The following SLC25A46 variants were observed in gnomAD, a reference collection of about 807,000 sequenced individuals.
SLC25A46 encodes mitochondrial outer membrane protein SLC25A46.
SLC25A46 carries 39 observed loss-of-function variants against 44.6 expected under a neutral mutation model. The observed-to-expected ratio is 0.87, with a 90% CI of 0.68 to 1.14. SLC25A46 has a LOEUF of 1.14. SLC25A46 is among the 50% of genes most tolerant of loss of function. SLC25A46 has a pLI of 0.00. For synonymous variants in SLC25A46, 202 were observed against 185.8 expected, an observed-to-expected ratio of 1.09 and a Z score of -0.71; for missense variants, 547 against 522.7, an observed-to-expected ratio of 1.05 and a Z score of -0.45.
intron 5 of SLC25A46, chr5:110,754,164 T>G (rs2150414649): frequency 6.6e-6 from 1 of 152,046 alleles, no homozygotes; most frequent in East Asian, 1.9e-4. Flanking sequence ...TGTATGTATA[T>G]GCTGTTGTTT....
chr5:110,742,065 C>T lies in SLC25A46; in HGVS notation c.302C>T (p.Ala101Val). 5 of 1,574,800 alleles carry T rather than the reference C, an allele frequency of 3.2e-6. No individual in the cohort carries two copies. The highest frequency in any genetic ancestry group is 4.3e-6 in the Non-Finnish European group (5 of 1,159,190). ...ACTTTAGAACAGCTGAATAGATTTG[C>T]TGGATTTGGTATTGGACTTGCAAGG... ...GQSSEQLNRF[A>V]GFGIGLASLF... The change falls in exon 2 of 8, where the codon GCT becomes GTT. Residue 101 changes from alanine to valine, a missense_variant. Ala to Val is a moderately conservative substitution (Grantham distance 64). Coordinates refer to ENST00000355943, the MANE Select transcript of SLC25A46 (RefSeq NM_138773.4).
At chr5:110,756,834 T>C (rs1800129428) in intron 7 of SLC25A46, 75 bp downstream of exon 7, 5 of 991,526 alleles carry the variant, frequency 5.0e-6, no homozygotes, top group Non-Finnish European at 7.0e-6. Context: ...TGTAGATATC[T>C]AACATTTCAG....
intron 5 of SLC25A46, among the ~76,000 whole-genome samples, chr5:110,749,529 G>A (rs1291275602): frequency 1.4e-5 from 2 of 146,710 alleles, no homozygotes; most frequent in East Asian, 2.2e-4. Context: ...GGGTAGTTGG[G>A]GGAGATAATG....
At chr5:110,753,039 T>G (rs75811300) in intron 5 of SLC25A46, among the ~76,000 whole-genome samples, 1,630 of 151,778 alleles carry the variant, frequency 0.011, 22 homozygotes, top group African/African-American at 0.037. Context: ...GGGCAAAGAG[T>G]GCTTCAAGGA....
At position 110,739,261 on chromosome 5, in the gene SLC25A46, G is replaced by C; in HGVS notation, c.142G>C (p.Asp48His). 6.3e-7 allele frequency: 1 copy of C among 1,583,104 alleles called. No homozygotes were observed. The highest frequency in any genetic ancestry group is 1.2e-5 in the South Asian group (1 of 86,692). ...DLGHWVTTPP[D>H]IPGSRNLHWG... is the part of the protein sequence containing the mutation. Reference sequence around the variant, plus strand: ...GGGCCACTGGGTGACGACTCCCCCAGATATCCCCGGCAGCCGCAACCTGCA... The same window carrying C: ...GGGCCACTGGGTGACGACTCCCCCACATATCCCCGGCAGCCGCAACCTGCA... The change falls in exon 1 of 8, where the codon GAT (aspartate) becomes CAT (histidine). Residue 48 changes from aspartate (D) to histidine (H), a missense_variant. By Grantham distance (81) the Asp-to-His change is moderately conservative. Transcript: ENST00000355943.
At chr5:110,743,694 T>C (rs768998451) in intron 2 of SLC25A46, 36 bp from the exon 3 acceptor site, 4 of 1,266,572 alleles carry the variant, frequency 3.2e-6, no homozygotes, top group South Asian at 1.4e-5. Flanking sequence ...TTTATCTCTA[T>C]GTAGACATAC....
Position 110,748,029 on chromosome 5 carries a change from G to T in SLC25A46, c.463-134G>T, listed in dbSNP as rs1478999584. ...ACTTTAAAATGATATAAAATTAATT[G>T]TAGTTCTCTACTAATATTTCTATTA... On this transcript the variant is annotated intron_variant, in intron 4 of 7. Transcript: ENST00000355943. 6 of 589,750 alleles carry T rather than the reference G, an allele frequency of 1.0e-5. No homozygotes were observed. In the East Asian group the frequency reaches 1.1e-4, roughly 11 times the overall value. 36.5% of individuals were successfully genotyped at this position (589,750 alleles called of 1,614,324 possible).
chr5:110,739,266 C>T lies in SLC25A46; in HGVS notation c.147C>T (p.Ile49=), dbSNP rs145421520. ...ACTGGGTGACGACTCCCCCAGATAT[C>T]CCCGGCAGCCGCAACCTGCACTGGG... ...LGHWVTTPPD[I]PGSRNLHWGE... The change falls in exon 1 of 8, where the codon ATC becomes ATT. Residue 49 remains isoleucine (I), a synonymous_variant. Coordinates refer to ENST00000355943, the MANE Select transcript of SLC25A46 (RefSeq NM_138773.4). The T allele has an allele frequency of 0.019, 29,256 of 1,580,486 alleles. 330 individuals are homozygous for T. The highest frequency in any genetic ancestry group is 0.027 in the African/African-American group (2,016 of 74,606).
chr5:110,757,234 G>C (rs1461920005), intron 7 of SLC25A46, among the ~76,000 whole-genome samples: 24 of 151,984 alleles, frequency 1.6e-4, no homozygotes, highest in Admixed American at 1.4e-3. Context: ...GATACTATTG[G>C]GTGTGGTAAA....
rs2150404430 is a variant in SLC25A46 at position 110,739,299 on chromosome 5, GAGC to G, written c.181_183del (p.Ser61del). 1 of 1,573,198 alleles carries G rather than the reference GAGC, an allele frequency of 6.4e-7. No individual in the cohort carries two copies. Among genetic ancestry groups the G allele is most frequent in the East Asian group, 2.3e-5 (1 of 42,998 alleles). On this transcript the variant is annotated inframe_deletion, in exon 1 of 8. Coordinates refer to ENST00000355943, the MANE Select transcript of SLC25A46 (RefSeq NM_138773.4). ...GCCGCAACCTGCACTGGGGCGAGAA[GAGC>G]CCGCCCTACGGCGTGCCCACCACCT...
At position 110,762,166 on chromosome 5, in the gene SLC25A46, T is replaced by C. The variant is rs929178920; in HGVS notation, c.*384T>C. The C allele has an allele frequency of 5.0e-6, 1 of 201,066 alleles. No individual in the cohort carries two copies. Among genetic ancestry groups the C allele is most frequent in the African/African-American group, 2.4e-5 (1 of 42,038 alleles). The allele number at this position is 201,066 out of a possible 1,614,324, so 12.5% of individuals were successfully genotyped here. A position where few individuals can be genotyped will look rare whatever the true frequency, so the allele number is the denominator to read the frequency against. On this transcript the variant is annotated 3_prime_UTR_variant, in exon 8 of 8. Coordinates refer to ENST00000355943, the MANE Select transcript of SLC25A46 (RefSeq NM_138773.4). Reference sequence around the variant, plus strand: ...ATTTTACCTCCTAGATTGATGTTGGTATAGTATCCTTAATACAGTGTAGTA... The same window carrying C: ...ATTTTACCTCCTAGATTGATGTTGGCATAGTATCCTTAATACAGTGTAGTA...
intron 7 of SLC25A46, among the ~76,000 whole-genome samples, chr5:110,757,426 G>A (rs1164698611): frequency 6.6e-6 from 1 of 151,956 alleles, no homozygotes; most frequent in Non-Finnish European, 1.5e-5. Context: ...CCAACTATTT[G>A]TACACCTGTC....
chr5:110,741,817 G>A (rs1396978594), intron 1 of SLC25A46: 8 of 366,850 alleles, frequency 2.2e-5, no homozygotes, highest in Admixed American at 4.5e-5. Flanking sequence ...GAGTGAAAGC[G>A]TAATTGTGCT....
At chr5:110,747,193 T>C (rs1799844217) in intron 4 of SLC25A46, among the ~76,000 whole-genome samples, 1 of 152,182 alleles carries the variant, frequency 6.6e-6, no homozygotes, top group Non-Finnish European at 1.5e-5. Flanking sequence ...TTGCATATAA[T>C]AGACTGGAAA....
chr5:110,759,822 G>C (rs1800204421), intron 7 of SLC25A46, among the ~76,000 whole-genome samples: 1 of 152,082 alleles, frequency 6.6e-6, no homozygotes, highest in South Asian at 2.1e-4. Flanking sequence ...GTCAGGGTCA[G>C]AAGTAGGAAG....
At chr5:110,756,534 G>A (rs1157849938) in intron 6 of SLC25A46, among the ~76,000 whole-genome samples, 168 bp from the exon 7 acceptor site, 1 of 152,030 alleles carries the variant, frequency 6.6e-6, no homozygotes. Flanking sequence ...CTACGTTACA[G>A]ATTTCTGAAG....
At chr5:110,751,362 T>C (rs1799965560) in intron 5 of SLC25A46, among the ~76,000 whole-genome samples, 1 of 152,192 alleles carries the variant, frequency 6.6e-6, no homozygotes, top group Admixed American at 6.5e-5. Flanking sequence ...GTGTCCCTAG[T>C]AACATGACAC....
chr5:110,754,860 C>G (rs1389321209), intron 5 of SLC25A46: 1 of 152,286 alleles, frequency 6.6e-6, no homozygotes, highest in Admixed American at 6.6e-5. Flanking sequence ...CCCCTCTGAT[C>G]CTATCTCCTC....
Position 110,762,567 on chromosome 5 carries a change from A to AACTT in SLC25A46, c.*787_*790dup, listed in dbSNP as rs1460657491. The AACTT allele has an allele frequency of 6.6e-6, 1 of 151,858 alleles. No homozygotes were observed. Among genetic ancestry groups the AACTT allele is most frequent in the Non-Finnish European group, 1.5e-5 (1 of 67,904 alleles). 9.4% of individuals were successfully genotyped at this position (151,858 alleles called of 1,614,324 possible). ...CCAAACCCAGTGTTTCAGTGCTAGC[A>AACTT]ACTTAATTTCTCATACATTTATAGA... is the stretch of plus-strand genomic sequence containing the variant. On this transcript the variant is annotated 3_prime_UTR_variant, in exon 8 of 8. Transcript: ENST00000355943.
Sources: allele counts gnomAD v4.1 joint callset (sites outside exome capture counted in the v4.1 genomes callset), GRCh38; gene constraint gnomAD v4.1.1; transcripts MANE v1.5; gene names NCBI Gene and HGNC (gene_info 2026-07-23, HGNC 2026-07-21).